IL6ST: variants seen among roughly 807,000 people sequenced by gnomAD.
IL6ST encodes the protein interleukin-6 receptor subunit beta.
A neutral mutation model predicts 91.3 loss-of-function variants in IL6ST; 24 were observed. That is an observed-to-expected ratio of 0.26 (90% CI 0.19 to 0.37). IL6ST has a LOEUF of 0.37. IL6ST is among the 10% of genes least tolerant of loss of function. The pLI, the probability that IL6ST is intolerant of heterozygous loss-of-function variation, is 1.00. For missense variants in IL6ST, 914 were observed against 1,078.5 expected (o/e 0.85, Z 2.14); for synonymous variants, 351 against 373.6 (o/e 0.94, Z 0.70).
rs1750840610 is a variant in IL6ST at position 55,940,574 on chromosome 5, CA to C, written c.*507del. On this transcript the variant is annotated 3_prime_UTR_variant, in exon 17 of 17. Coordinates refer to ENST00000381298, the MANE Select transcript of IL6ST (RefSeq NM_002184.4). The stretch of plus-strand genomic sequence containing the variant: ...TGCTCCTCATTTTTTTGTCAGATTA[CA>C]AAAGCTGGGCTCATGTAGTTATGGC... 4.7e-6 allele frequency: 1 copy of C among 213,380 alleles called. No homozygotes were observed. The highest frequency in any genetic ancestry group is 2.3e-5 in the African/African-American group (1 of 44,214). The allele number at this position is 213,380 out of a possible 1,614,324, so 13.2% of individuals were successfully genotyped here.
intron 1 of IL6ST, among the ~76,000 whole-genome samples, chr5:55,986,381 T>A (rs895254310): frequency 6.6e-6 from 1 of 152,212 alleles, no homozygotes; most frequent in Non-Finnish European, 1.5e-5. Flanking sequence ...TTGATATTAC[T>A]ATAGCCAATT....
chr5:55,950,954 C>CA (rs35481328), intron 14 of IL6ST, among the ~76,000 whole-genome samples: 72,719 of 143,850 alleles, frequency 0.51, 18,404 homozygotes, highest in East Asian at 0.57. Context: ...ACCCTGCCTC[C>CA]AAAAAAAAAA....
intron 3 of IL6ST, among the ~76,000 whole-genome samples, chr5:55,973,064 C>A (rs1753058947): frequency 6.7e-6 from 1 of 149,984 alleles, no homozygotes. Flanking sequence ...TTACAATGAA[C>A]ATTATGAAAT....
rs115564077 is a variant in IL6ST, at chr5:55,937,199, T to C, written c.*3883A>G. ...AACATCTATCACTATCGGCCTTAAATGCATCTCATCACACGACCCATCAAC... is the reference window on the plus strand; with the variant it reads ...AACATCTATCACTATCGGCCTTAAACGCATCTCATCACACGACCCATCAAC... On this transcript the variant is annotated 3_prime_UTR_variant, in exon 17 of 17. Coordinates refer to ENST00000381298, the MANE Select transcript of IL6ST (RefSeq NM_002184.4). The C allele has an allele frequency of 3.4e-3, 725 of 214,942 alleles. 4 individuals are homozygous for C. Among genetic ancestry groups the C allele is most frequent in the African/African-American group, 0.015 (671 of 44,398 alleles). 13.3% of individuals were successfully genotyped at this position (214,942 alleles called of 1,614,324 possible).
intron 10 of IL6ST, 69 bp from the exon 11 acceptor site, chr5:55,955,061 C>A: frequency 9.1e-7 from 1 of 1,100,216 alleles, no homozygotes; most frequent in South Asian, 1.5e-5. Context: ...ATTTTACAGT[C>A]ATTTCCAAAA....
chr5:55,992,816 T>C (rs1367333407), intron 1 of IL6ST, among the ~76,000 whole-genome samples: 1 of 152,216 alleles, frequency 6.6e-6, no homozygotes, highest in African/African-American at 2.4e-5. Context: ...GATCATTCCC[T>C]AATTTTAATA....
intron 7 of IL6ST, 61 bp from the exon 8 acceptor site, chr5:55,960,622 T>A: frequency 6.6e-7 from 1 of 1,518,860 alleles, no homozygotes. Context: ...TAAATTGTGT[T>A]AAAATTCAGA....
At chr5:55,959,163 T>G (rs1752160887) in intron 8 of IL6ST, among the ~76,000 whole-genome samples, 1 of 152,204 alleles carries the variant, frequency 6.6e-6, no homozygotes, top group African/African-American at 2.4e-5. Flanking sequence ...CACAATATTT[T>G]ACCTACATTT....
chr5:55,951,459 C>A lies in IL6ST; in HGVS notation c.1840+5G>T. 6.2e-7 allele frequency: 1 copy of A among 1,604,376 alleles called. No individual in the cohort carries two copies. Among genetic ancestry groups the A allele is most frequent in the Non-Finnish European group, 8.5e-7 (1 of 1,176,376 alleles). Reference sequence around the variant, plus strand: ...GAAAAAAAACCAAACTTCATTATTTCTTACCAAACTTTGGGGTAGTAAAAG... The same window carrying A: ...GAAAAAAAACCAAACTTCATTATTTATTACCAAACTTTGGGGTAGTAAAAG... On this transcript the variant is annotated splice_donor_5th_base_variant and intron_variant, in intron 14 of 16. Coordinates refer to ENST00000381298, the MANE Select transcript of IL6ST (RefSeq NM_002184.4).
rs116340418 is a variant in IL6ST, at chr5:55,983,980, C to T, written c.-103-1169G>A. The stretch of plus-strand genomic sequence containing the variant: ...TCCTCATAGAGATCTTCCCTAACCA[C>T]CCTGTGTTTCTTATACCCCTTTACT... On this transcript the variant is annotated intron_variant, in intron 1 of 16. Transcript: ENST00000381298. Among the ~76,000 whole-genome samples the T allele has an allele frequency of 3.9e-3, 598 of 152,050 alleles. 4 individuals carry two copies. Among genetic ancestry groups the T allele is most frequent in the African/African-American group, 0.014 (569 of 41,448 alleles).
rs1750514529 is a variant in IL6ST at position 55,936,223 on chromosome 5, C to G, written c.*4859G>C. ...TAGCAGGAGGATGCCATGTATCAATCTTGAACTTCAAGTCTCACTGCAACA... is the reference window on the plus strand; with the variant it reads ...TAGCAGGAGGATGCCATGTATCAATGTTGAACTTCAAGTCTCACTGCAACA... On this transcript the variant is annotated 3_prime_UTR_variant, in exon 17 of 17. Transcript: ENST00000381298. 1 of 225,172 alleles carries G rather than the reference C, an allele frequency of 4.4e-6. No individual in the cohort carries two copies. The highest frequency in any genetic ancestry group is 5.7e-5 in the Admixed American group (1 of 17,470). 13.9% of individuals were successfully genotyped at this position (225,172 alleles called of 1,614,324 possible). A position where few individuals can be genotyped will look rare whatever the true frequency, so the allele number is the denominator to read the frequency against.
chr5:55,958,831 A>G (rs1195591435), intron 8 of IL6ST, among the ~76,000 whole-genome samples: 1 of 146,188 alleles, frequency 6.8e-6, no homozygotes, highest in Admixed American at 6.9e-5. Flanking sequence ...AGAGTGAGGC[A>G]CTATTTCCAA....
In IL6ST at chr5:55,938,783, A is replaced by G. The variant is rs1457098054; in HGVS notation, c.*2299T>C. ...TTATAATTTATTTTCTCCTTAGGGC[A>G]GGTGTACATTACATATTAGTGCTCA... On this transcript the variant is annotated 3_prime_UTR_variant, in exon 17 of 17. Transcript: ENST00000381298. 9 of 202,428 alleles carry G rather than the reference A, an allele frequency of 4.4e-5. No individual in the cohort carries two copies. In the East Asian group the frequency reaches 6.9e-4, roughly 15 times the overall value. 12.5% of individuals were successfully genotyped at this position (202,428 alleles called of 1,614,324 possible).
rs73756160 is a variant in IL6ST, at chr5:55,947,405, T to C, written c.1937+88A>G. On this transcript the variant is annotated intron_variant, in intron 15 of 16. Transcript: ENST00000381298. ...GTAATTACAAAAATTCATCAAACTG[T>C]ACACTTAAAATGGATAAATTTTATT... is the stretch of plus-strand genomic sequence containing the variant. 0.012 allele frequency: 8,862 copies of C among 751,068 alleles called. 560 individuals carry two copies. The African/African-American group carries it at 0.14, about 12-fold the overall frequency. 46.5% of individuals were successfully genotyped at this position (751,068 alleles called of 1,614,324 possible). A position where few individuals can be genotyped will look rare whatever the true frequency, so the allele number is the denominator to read the frequency against.
chr5:55,969,743 A>G lies in IL6ST; in HGVS notation c.177T>C (p.His59=), dbSNP rs1752852875. 1 of 1,611,396 alleles carries G rather than the reference A, an allele frequency of 6.2e-7. No homozygotes were observed. The highest frequency in any genetic ancestry group is 8.5e-7 in the Non-Finnish European group (1 of 1,177,598). ...TCCAGACAATGTAATTAGCATTTACATGAAAATAATCCATACATTTTTCCT... is the reference window on the plus strand; with the variant it reads ...TCCAGACAATGTAATTAGCATTTACGTGAAAATAATCCATACATTTTTCCT... ...VLKEKCMDYF[H]VNANYIVWKT... is the part of the protein sequence containing the mutation. Residue 59 remains histidine, a synonymous_variant, in exon 4 of 17, where the codon CAT becomes CAC. Transcript: ENST00000381298.
intron 3 of IL6ST, among the ~76,000 whole-genome samples, chr5:55,972,117 T>C (rs1475226897): frequency 1.3e-5 from 2 of 152,198 alleles, no homozygotes; most frequent in Non-Finnish European, 2.9e-5. Flanking sequence ...AAAGTAATCA[T>C]AGGGATGTTA....
intron 15 of IL6ST, among the ~76,000 whole-genome samples, chr5:55,946,939 C>T (rs571912967): frequency 6.6e-6 from 1 of 152,058 alleles, no homozygotes; most frequent in Admixed American, 6.5e-5. Flanking sequence ...TTGGCCGTGG[C>T]TCACACCTGT....
rs560897398 is a variant in IL6ST, at chr5:55,954,431, G to A, written c.1450+379C>T. On this transcript the variant is annotated intron_variant, in intron 11 of 16. Transcript: ENST00000381298. ...TGCTTCCTCTATCTGATGGTTCTAA[G>A]ACATTACACAAGTCATCCAGATGCT... is the stretch of plus-strand genomic sequence containing the variant. Among the ~76,000 whole-genome samples the A allele has an allele frequency of 1.7e-4, 26 of 152,280 alleles. No homozygotes were observed. In the South Asian group the frequency reaches 2.7e-3, roughly 16 times the overall value.
intron 8 of IL6ST, among the ~76,000 whole-genome samples, chr5:55,958,944 A>G (rs908404808): frequency 6.6e-6 from 1 of 152,110 alleles, no homozygotes; most frequent in Admixed American, 6.6e-5. Flanking sequence ...GAAGGCTGGG[A>G]AAAAGGCTGC....
Sources: gnomAD v4.1 joint callset for allele counts (sites outside exome capture counted in the v4.1 genomes callset) on GRCh38, gnomAD v4.1.1 for gene constraint, MANE v1.5 for transcripts, NCBI Gene and HGNC (gene_info 2026-07-23, HGNC 2026-07-21) for gene names.